The following CPPED1 variants were observed in gnomAD, a reference collection of about 807,000 sequenced individuals.
The protein encoded by CPPED1 is calcineurin like phosphoesterase domain containing 1.
A neutral mutation model predicts 28.0 loss-of-function variants in CPPED1; 28 were observed. The observed-to-expected ratio is 1.00, with a 90% CI of 0.74 to 1.37. The LOEUF is 1.37. Ranked by LOEUF, CPPED1 falls within the 40% of genes most tolerant of loss-of-function variation. The pLI is 0.00. For synonymous variants in CPPED1, 198 were observed against 180.2 expected (o/e 1.10, Z -0.79); for missense variants, 504 against 416.5 (o/e 1.21, Z -1.83).
At chr16:12,783,813 A>G (rs2080546838) in intron 1 of CPPED1, among the ~76,000 whole-genome samples, 1 of 152,214 alleles carries the variant, frequency 6.6e-6, no homozygotes, top group Non-Finnish European at 1.5e-5. Context: ...CTTACAGCAC[A>G]GTGTTCAATT....
chr16:12,751,416 T>C (rs542080986), intron 2 of CPPED1, among the ~76,000 whole-genome samples: 3 of 152,234 alleles, frequency 2.0e-5, no homozygotes, highest in Admixed American at 6.5e-5. Flanking sequence ...TATTACATTT[T>C]TCAGTACAAT....
At chr16:12,766,098 G>C (rs2080436304) in intron 2 of CPPED1, among the ~76,000 whole-genome samples, 1 of 151,832 alleles carries the variant, frequency 6.6e-6, no homozygotes, top group Non-Finnish European at 1.5e-5. Context: ...GATTTGCCAG[G>C]GGATTGTGCA....
intron 3 of CPPED1, among the ~76,000 whole-genome samples, chr16:12,688,615 G>A (rs182370445): frequency 1.3e-5 from 2 of 152,188 alleles, no homozygotes; most frequent in Non-Finnish European, 2.9e-5. Flanking sequence ...GGGATTACAG[G>A]CCTGATTCAT....
rs1182005447 is a variant in CPPED1, at chr16:12,709,542, C to T, written c.290-4493G>A. ...GTAAAAAGCATGATAACGATAATTA[C>T]AAAATTCTTATTTGTATCAGTGGTA... is the stretch of plus-strand genomic sequence containing the variant. On this transcript the variant is annotated intron_variant, in intron 2 of 3. Coordinates refer to ENST00000381774, the MANE Select transcript of CPPED1 (RefSeq NM_018340.3). The surrounding 1 kb of genome is among the most constrained non-coding windows in gnomAD (Gnocchi z 4.4). 1.3e-5 allele frequency among the ~76,000 whole-genome samples: 2 copies of T among 152,178 alleles called. No individual in the cohort carries two copies. The highest frequency in any genetic ancestry group is 2.9e-5 in the Non-Finnish European group (2 of 68,032).
At chr16:12,767,003 ATT>A (rs11408805) in intron 2 of CPPED1, among the ~76,000 whole-genome samples, 1 of 149,306 alleles carries the variant, frequency 6.7e-6, no homozygotes, top group Non-Finnish European at 1.5e-5. Flanking sequence ...AGAGGTCCTC[ATT>A]TTTTTTTTTG....
At chr16:12,744,264 CTG>C (rs1439531516) in intron 2 of CPPED1, among the ~76,000 whole-genome samples, 33 of 98,672 alleles carry the variant, frequency 3.3e-4, no homozygotes, top group African/African-American at 1.4e-3. Flanking sequence ...GAGCAAGACT[CTG>C]TGAAAGAGAG....
intron 2 of CPPED1, among the ~76,000 whole-genome samples, chr16:12,725,677 G>A (rs573555024): frequency 2.6e-5 from 4 of 152,264 alleles, no homozygotes; most frequent in African/African-American, 9.6e-5. Flanking sequence ...GAGACGGGGG[G>A]AAGTGTGGAG....
intron 2 of CPPED1, among the ~76,000 whole-genome samples, chr16:12,708,168 A>ATTT (rs560079799): frequency 6.9e-4 from 102 of 148,530 alleles, no homozygotes; most frequent in Middle Eastern, 3.4e-3. Context: ...TTATTTATTT[A>ATTT]TTGTTGGAAA....
At chr16:12,717,119 A>G (rs2080111212) in intron 2 of CPPED1, among the ~76,000 whole-genome samples, 1 of 152,190 alleles carries the variant, frequency 6.6e-6, no homozygotes, top group South Asian at 2.1e-4. Context: ...TTTAAAAAAA[A>G]GACCAGGGAG....
chr16:12,665,644 A>G (rs1025689175), intron 3 of CPPED1, among the ~76,000 whole-genome samples: 1 of 151,958 alleles, frequency 6.6e-6, no homozygotes, highest in African/African-American at 2.4e-5. Flanking sequence ...ATATAAAAAA[A>G]AATGACCAGG....
rs141781694 is a variant in CPPED1, at chr16:12,735,807, G to A, written c.290-30758C>T. Reference sequence around the variant, plus strand: ...CATGACTTGTTTGCAAAGGTGCCGTGAGAAGTCTCTCTCTGTCCAGACATT... The same window carrying A: ...CATGACTTGTTTGCAAAGGTGCCGTAAGAAGTCTCTCTCTGTCCAGACATT... On this transcript the variant is annotated intron_variant, in intron 2 of 3. Transcript: ENST00000381774. 5.3e-3 allele frequency among the ~76,000 whole-genome samples: 803 copies of A among 152,326 alleles called. 7 individuals carry two copies. The highest frequency in any genetic ancestry group is 0.019 in the African/African-American group (777 of 41,578).
Position 12,782,562 on chromosome 16 carries a change from T to TC in CPPED1, c.71-1160dup, listed in dbSNP as rs397686379. 3.3e-5 allele frequency among the ~76,000 whole-genome samples: 5 copies of TC among 149,778 alleles called. No individual in the cohort carries two copies. The East Asian group carries it at 7.9e-4, about 24-fold the overall frequency. ...CTTGAGGCTGTTTTTTTTTTTTTTT[T>TC]CATAATTTAATGTATGGCCAGGTAC... On this transcript the variant is annotated intron_variant, in intron 1 of 3. Coordinates refer to ENST00000381774, the MANE Select transcript of CPPED1 (RefSeq NM_018340.3).
chr16:12,801,938 A>G (rs2080662452), intron 1 of CPPED1, among the ~76,000 whole-genome samples: 2 of 152,178 alleles, frequency 1.3e-5, no homozygotes, highest in Admixed American at 1.3e-4. Context: ...AGCTGTCCTG[A>G]GAAAAGGAGC....
At chr16:12,765,915 C>G (rs1048537264) in intron 2 of CPPED1, among the ~76,000 whole-genome samples, 1 of 152,154 alleles carries the variant, frequency 6.6e-6, no homozygotes, top group Non-Finnish European at 1.5e-5. Flanking sequence ...CCTTTGGGAT[C>G]ATGCTCCTTT....
chr16:12,660,164 G>C lies in CPPED1; in HGVS notation c.*4722C>G, dbSNP rs1344257359. The C allele has an allele frequency of 1.3e-5, 2 of 152,196 alleles. No individual in the cohort carries two copies. Among genetic ancestry groups the C allele is most frequent in the Non-Finnish European group, 2.9e-5 (2 of 68,054 alleles). The allele number at this position is 152,196 out of a possible 1,614,324, so 9.4% of individuals were successfully genotyped here. A position where few individuals can be genotyped will look rare whatever the true frequency, so the allele number is the denominator to read the frequency against. ...GCAGGAAGGCCACTTTCAGGGGTGA[G>C]CGTTTGAGTGGATGTTGAAATGATG... On this transcript the variant is annotated 3_prime_UTR_variant, in exon 4 of 4. Coordinates refer to ENST00000381774, the MANE Select transcript of CPPED1 (RefSeq NM_018340.3).
chr16:12,678,690 C>G (rs2079890314), intron 3 of CPPED1, among the ~76,000 whole-genome samples: 1 of 152,048 alleles, frequency 6.6e-6, no homozygotes, highest in African/African-American at 2.4e-5. Context: ...TTAACAATTG[C>G]TTGCTGATAG....
chr16:12,711,888 C>T (rs1490898443), intron 2 of CPPED1, among the ~76,000 whole-genome samples: 2 of 152,262 alleles, frequency 1.3e-5, no homozygotes, highest in South Asian at 4.1e-4. Flanking sequence ...TATGTGCATA[C>T]CTTCCTTTCC....
intron 2 of CPPED1, among the ~76,000 whole-genome samples, chr16:12,750,868 T>C (rs561144023): frequency 1.1e-3 from 170 of 152,080 alleles, no homozygotes; most frequent in African/African-American, 4.0e-3. Context: ...CTCGGGAGGC[T>C]GAGGCAGGAG....
In CPPED1 at chr16:12,769,560, C is replaced by T. The variant is rs75676655; in HGVS notation, c.289+11625G>A. Among the ~76,000 whole-genome samples, 149 of 152,296 alleles carry T rather than the reference C, an allele frequency of 9.8e-4. 1 individual carries two copies. Among genetic ancestry groups the T allele is most frequent in the African/African-American group, 3.2e-3 (135 of 41,562 alleles). On this transcript the variant is annotated intron_variant, in intron 2 of 3. Coordinates refer to ENST00000381774, the MANE Select transcript of CPPED1 (RefSeq NM_018340.3). Reference sequence around the variant, plus strand: ...CTTTTTAAGTAATATTCCCAGTTCCCTAATTAGTCATATAAGGTAAATTAG... The same window carrying T: ...CTTTTTAAGTAATATTCCCAGTTCCTTAATTAGTCATATAAGGTAAATTAG...
Sources: gnomAD v4.1 joint callset for allele counts (sites outside exome capture counted in the v4.1 genomes callset) on GRCh38, gnomAD v4.1.1 for gene constraint, Gnocchi (gnomAD v3.1) non-coding constraint, MANE v1.5 for transcripts, NCBI Gene and HGNC (gene_info 2026-07-23, HGNC 2026-07-21) for gene names.